MTUS2: variants seen among roughly 807,000 people sequenced by gnomAD.
MTUS2 encodes microtubule associated scaffold protein 2, also known as microtubule-associated tumor suppressor candidate 2.
MTUS2 carries 40 observed loss-of-function variants against 114.1 expected under a neutral mutation model. The ratio of observed to expected loss-of-function variants is 0.35; its 90% CI spans 0.27 to 0.46. MTUS2 has a LOEUF of 0.46. Ranked by LOEUF, MTUS2 falls within the 20% of genes least tolerant of loss-of-function variation. The pLI, the probability that MTUS2 is intolerant of heterozygous loss-of-function variation, is 1.00. For synonymous variants in MTUS2, 688 were observed against 672.0 expected, an observed-to-expected ratio of 1.02 and a Z score of -0.37; for missense variants, 1,679 against 1,705.4, an observed-to-expected ratio of 0.98 and a Z score of 0.27.
intron 5 of MTUS2, among the ~76,000 whole-genome samples, chr13:29,176,349 G>A (rs1047769078): frequency 6.6e-6 from 1 of 152,122 alleles, no homozygotes; most frequent in African/African-American, 2.4e-5. Context: ...AGCACTGAGA[G>A]ATCTCATCCA....
chr13:29,240,822 T>TA (rs1261451281), intron 5 of MTUS2, among the ~76,000 whole-genome samples: 2 of 152,212 alleles, frequency 1.3e-5, no homozygotes, highest in East Asian at 3.8e-4. Context: ...TTTGATTTTT[T>TA]ATCTCAAATC....
rs376502313 is a variant in MTUS2 at position 29,394,334 on chromosome 13, G to A, written c.3117+34861G>A. Among the ~76,000 whole-genome samples the A allele has an allele frequency of 2.9e-3, 441 of 152,214 alleles. 1 individual carries two copies. The highest frequency in any genetic ancestry group is 0.01 in the African/African-American group (419 of 41,536). On this transcript the variant is annotated intron_variant, in intron 8 of 15. Transcript: ENST00000612955. ...TACAGGTAATCATTGGTTTGGTCCA[G>A]AAAGGTGGGACAACTAGAAGCAGAG...
At chr13:29,052,532 A>G (rs1396210876) in intron 4 of MTUS2, among the ~76,000 whole-genome samples, 1 of 152,164 alleles carries the variant, frequency 6.6e-6, no homozygotes, top group East Asian at 1.9e-4. Flanking sequence ...GATATCCTAA[A>G]GAAGCAAGGG....
intron 9 of MTUS2, among the ~76,000 whole-genome samples, chr13:29,470,629 T>G (rs970822878): frequency 6.6e-6 from 1 of 152,238 alleles, no homozygotes; most frequent in African/African-American, 2.4e-5. Context: ...GCTTCATTCG[T>G]TCCTGTTATC....
intron 7 of MTUS2, among the ~76,000 whole-genome samples, chr13:29,353,040 A>G (rs1472087812): frequency 6.6e-6 from 1 of 152,102 alleles, no homozygotes; most frequent in African/African-American, 2.4e-5. Flanking sequence ...TATCTGTGTC[A>G]TTTTTTGTCA....
At chr13:29,388,611 T>A (rs1385694686) in intron 8 of MTUS2, among the ~76,000 whole-genome samples, 1 of 152,008 alleles carries the variant, frequency 6.6e-6, no homozygotes, top group Non-Finnish European at 1.5e-5. Context: ...ATTTAGACTT[T>A]CCTGCTGGGA....
chr13:29,476,196 C>T (rs1041379644), intron 9 of MTUS2, among the ~76,000 whole-genome samples: 3 of 152,096 alleles, frequency 2.0e-5, no homozygotes, highest in African/African-American at 4.8e-5. Flanking sequence ...CATATGGCCT[C>T]GGTGGGTAGT....
At chr13:28,906,974 A>C (rs1189180636) in intron 2 of MTUS2, among the ~76,000 whole-genome samples, 1 of 151,534 alleles carries the variant, frequency 6.6e-6, no homozygotes, top group East Asian at 1.9e-4. Context: ...GTAGAAATGA[A>C]GGAAAAAATG....
chr13:29,405,180 G>T (rs140038475), intron 8 of MTUS2, among the ~76,000 whole-genome samples: 1 of 152,268 alleles, frequency 6.6e-6, no homozygotes, highest in African/African-American at 2.4e-5. Context: ...TGACACTGAG[G>T]AGTAACTTAA....
chr13:29,023,453 T>C (rs1443560123), intron 2 of MTUS2, among the ~76,000 whole-genome samples: 1 of 152,202 alleles, frequency 6.6e-6, no homozygotes, highest in Non-Finnish European at 1.5e-5. Context: ...TCTTTCTCCT[T>C]CTCATATGCA....
chr13:28,991,896 A>C (rs1025941184), intron 2 of MTUS2, among the ~76,000 whole-genome samples: 2 of 152,156 alleles, frequency 1.3e-5, no homozygotes, highest in African/African-American at 4.8e-5. Context: ...TCTTAGGATC[A>C]GCCAGTGTGA....
At chr13:29,342,977 G>T (rs576399764) in intron 7 of MTUS2, among the ~76,000 whole-genome samples, 58 of 152,046 alleles carry the variant, frequency 3.8e-4, no homozygotes, top group Non-Finnish European at 7.6e-4. Flanking sequence ...ACTTGCATAT[G>T]TTCAACCATC....
chr13:29,025,567 C>A lies in MTUS2; in HGVS notation c.869C>A (p.Ser290Ter). The change falls in exon 3 of 16, where the codon TCG (serine) becomes TAG (stop). Residue 290 changes from serine (S) to a stop codon, truncating the protein, a stop_gained. Coordinates refer to ENST00000612955, the MANE Select transcript of MTUS2 (RefSeq NM_001033602.4). LOFTEE classifies it high-confidence loss of function. ...CCTGCTCTGAATTTGACTTTGGCAT[C>A]GAAGGAAATCCCAAGTAAACTGGAA... Reference protein sequence around the residue: ...PEPALNLTLASKEIPSKLEAQ... With the variant: ...PEPALNLTLA 2 of 1,613,874 alleles carry A rather than the reference C, an allele frequency of 1.2e-6. No homozygotes were observed. The highest frequency in any genetic ancestry group is 1.7e-6 in the Non-Finnish European group (2 of 1,179,846).
intron 4 of MTUS2, among the ~76,000 whole-genome samples, chr13:29,097,219 T>C (rs1286570093): frequency 6.6e-6 from 1 of 152,220 alleles, no homozygotes; most frequent in Non-Finnish European, 1.5e-5. Flanking sequence ...ACTTTCACTG[T>C]TCTTACTGGA....
intron 4 of MTUS2, among the ~76,000 whole-genome samples, chr13:29,088,058 CAAAAAAAAAA>C (rs57654117): frequency 7.4e-6 from 1 of 135,544 alleles, no homozygotes; most frequent in East Asian, 2.6e-4. Context: ...GACTCCGTCT[CAAAAAAAAAA>C]AAAAAAAAAA....
At chr13:29,464,154 C>T (rs1287766508) in intron 9 of MTUS2, among the ~76,000 whole-genome samples, 2 of 152,160 alleles carry the variant, frequency 1.3e-5, no homozygotes, top group Admixed American at 1.3e-4. Flanking sequence ...TGGAAGGTGC[C>T]TGCAAGGAGG....
chr13:29,007,245 A>G (rs1262987936), intron 2 of MTUS2, among the ~76,000 whole-genome samples: 1 of 152,108 alleles, frequency 6.6e-6, no homozygotes, highest in Non-Finnish European at 1.5e-5. Flanking sequence ...TAAATTTTTA[A>G]ATTTTTATTA....
chr13:28,825,432 T>C (rs1363887400), intron 1 of MTUS2, among the ~76,000 whole-genome samples: 1 of 152,112 alleles, frequency 6.6e-6, no homozygotes, highest in Non-Finnish European at 1.5e-5. Context: ...TAGAACAACT[T>C]TCTGATTTGA....
intron 2 of MTUS2, among the ~76,000 whole-genome samples, chr13:29,023,427 A>G (rs776366910): frequency 2.0e-5 from 3 of 152,232 alleles, no homozygotes; most frequent in African/African-American, 2.4e-5. Flanking sequence ...GACTTTTGCC[A>G]GTTTCTCTCT....
Sources: gnomAD v4.1 joint callset for allele counts (sites outside exome capture counted in the v4.1 genomes callset) on GRCh38, gnomAD v4.1.1 for gene constraint, MANE v1.5 for transcripts, NCBI Gene and HGNC (gene_info 2026-07-23, HGNC 2026-07-21) for gene names.